Variants in DHDDS observed in about 807,000 individuals in gnomAD.
DHDDS encodes dehydrodolichyl diphosphate synthase subunit.
DHDDS carries 16 observed loss-of-function variants against 46.2 expected under a neutral mutation model. The ratio of observed to expected loss-of-function variants is 0.35; its 90% CI spans 0.23 to 0.53. DHDDS has a LOEUF of 0.53. Ranked by LOEUF, DHDDS falls within the 20% of genes least tolerant of loss-of-function variation. The pLI is 0.94. For missense variants in DHDDS, 340 were observed against 423.7 expected (o/e 0.80, Z 1.73); for synonymous variants, 151 against 163.1 (o/e 0.93, Z 0.56).
rs189153348 is a variant in DHDDS at position 26,445,542 on chromosome 1, A to C, written c.324-774A>C. On this transcript the variant is annotated intron_variant, in intron 4 of 8. Coordinates refer to ENST00000236342, the MANE Select transcript of DHDDS (RefSeq NM_205861.3). The stretch of plus-strand genomic sequence containing the variant: ...ACCTTGGGCAACATAGTGAGACCTC[A>C]TCTTTACAAAAAATACAAAAATTAG... 2.6e-5 allele frequency among the ~76,000 whole-genome samples: 4 copies of C among 152,204 alleles called. No homozygotes were observed. In the East Asian group the frequency reaches 7.7e-4, roughly 29 times the overall value.
chr1:26,438,158 T>C lies in DHDDS; in HGVS notation c.64-10T>C. 1.9e-6 allele frequency: 3 copies of C among 1,613,406 alleles called. No individual in the cohort carries two copies. The highest frequency in any genetic ancestry group is 2.5e-6 in the Non-Finnish European group (3 of 1,179,482). ...GAGACCTGTTCATCATTTGTCTTCCTATTCCACAGGCAGGCCCAATGCCGA... is the reference window on the plus strand; with the variant it reads ...GAGACCTGTTCATCATTTGTCTTCCCATTCCACAGGCAGGCCCAATGCCGA... On this transcript the variant is annotated splice_polypyrimidine_tract_variant and intron_variant, in intron 2 of 8. Coordinates refer to ENST00000236342, the MANE Select transcript of DHDDS (RefSeq NM_205861.3).
intron 6 of DHDDS, among the ~76,000 whole-genome samples, chr1:26,452,149 G>C (rs1557443481): frequency 6.6e-6 from 1 of 152,100 alleles, no homozygotes; most frequent in Non-Finnish European, 1.5e-5. Context: ...GGGCTCAAGA[G>C]ATCCTTCCAC....
chr1:26,460,477 T>G (rs2075411518), intron 8 of DHDDS, among the ~76,000 whole-genome samples: 1 of 152,222 alleles, frequency 6.6e-6, no homozygotes, highest in Non-Finnish European at 1.5e-5. Flanking sequence ...TTTTAAAGAC[T>G]CAGGAGGAAA....
At chr1:26,455,907 C>CT (rs1363065080) in intron 6 of DHDDS, among the ~76,000 whole-genome samples, 2 of 152,184 alleles carry the variant, frequency 1.3e-5, no homozygotes, top group African/African-American at 4.8e-5. Flanking sequence ...AGATGTAACT[C>CT]TAACTACCTG....
intron 7 of DHDDS, among the ~76,000 whole-genome samples, chr1:26,458,850 A>T (rs999800610): frequency 1.3e-5 from 2 of 152,004 alleles, no homozygotes; most frequent in Non-Finnish European, 2.9e-5. Context: ...GCTGAATTTT[A>T]AGAGACTACA....
intron 6 of DHDDS, among the ~76,000 whole-genome samples, chr1:26,449,451 C>T (rs937573516): frequency 2.0e-5 from 3 of 151,928 alleles, no homozygotes; most frequent in Non-Finnish European, 2.9e-5. Flanking sequence ...CCCAGGCTGG[C>T]GTGCAGTGGT....
chr1:26,441,317 G>A (rs912244551), intron 3 of DHDDS, among the ~76,000 whole-genome samples: 4 of 151,858 alleles, frequency 2.6e-5, no homozygotes, highest in Non-Finnish European at 5.9e-5. Flanking sequence ...TCCTGCCTCA[G>A]CCTCCCAAGT....
rs1434105363 is a variant in DHDDS at position 26,449,570 on chromosome 1, CT to C, written c.542+1917del. 1.5e-4 allele frequency among the ~76,000 whole-genome samples: 22 copies of C among 151,486 alleles called. No individual in the cohort carries two copies. The East Asian group carries it at 4.3e-3, about 30-fold the overall frequency. Reference sequence around the variant, plus strand: ...TGTGTGCCACCATGCTCAGCTAATTCTTTTTTTGGAGACAGAGTCTCACTCT... The same window carrying C: ...TGTGTGCCACCATGCTCAGCTAATTCTTTTTTGGAGACAGAGTCTCACTCT... On this transcript the variant is annotated intron_variant, in intron 6 of 8. Transcript: ENST00000236342.
intron 7 of DHDDS, 121 bp downstream of exon 7, chr1:26,458,026 A>G: frequency 1.2e-6 from 1 of 826,704 alleles, no homozygotes; most frequent in Non-Finnish European, 2.0e-6. Flanking sequence ...CTTCTGGGGA[A>G]AGCTAAAATC....
At chr1:26,451,404 A>ATGTG (rs35376620) in intron 6 of DHDDS, among the ~76,000 whole-genome samples, 10,088 of 135,788 alleles carry the variant, frequency 0.074, 486 homozygotes, top group Middle Eastern at 0.12. Flanking sequence ...ATGTATGTAG[A>ATGTG]TGTGTGTGTG....
chr1:26,451,404 A>ATG (rs35376620), intron 6 of DHDDS, among the ~76,000 whole-genome samples: 14,635 of 135,592 alleles, frequency 0.11, 893 homozygotes, highest in Non-Finnish European at 0.15. Flanking sequence ...ATGTATGTAG[A>ATG]TGTGTGTGTG....
chr1:26,459,818 T>C (rs2075404635), intron 7 of DHDDS, among the ~76,000 whole-genome samples: 1 of 152,206 alleles, frequency 6.6e-6, no homozygotes, highest in African/African-American at 2.4e-5. Context: ...AGTTCTGCTT[T>C]ACCACAGGCA....
At chr1:26,432,833 C>T (rs2075117216) in intron 1 of DHDDS, 58 bp from the exon 2 acceptor site, 1 of 1,064,800 alleles carries the variant, frequency 9.4e-7, no homozygotes. Context: ...CCCCAGAAGT[C>T]AGTTATAGCT....
In DHDDS at chr1:26,446,376, C is replaced by G. The variant is rs1052661849; in HGVS notation, c.384C>G (p.Pro128=). The stretch of plus-strand genomic sequence containing the variant: ...TCCTGGGCGATCTGCACTTGTTGCC[C>G]TTGGATCTCCAGGAGCTGATTGCAC... ...IRVLGDLHLL[P]LDLQELIAQA... The change falls in exon 5 of 9, where the codon CCC becomes CCG. Residue 128 remains proline, a synonymous_variant. Coordinates refer to ENST00000236342, the MANE Select transcript of DHDDS (RefSeq NM_205861.3). 1.2e-6 allele frequency: 2 copies of G among 1,614,024 alleles called. No homozygotes were observed. The highest frequency in any genetic ancestry group is 1.7e-6 in the Non-Finnish European group (2 of 1,179,960).
At chr1:26,468,812 C>CCCCCCCCCCAAACAACA in intron 8 of DHDDS, 83 bp from the exon 9 acceptor site, 1 of 601,116 alleles carries the variant, frequency 1.7e-6, no homozygotes, top group Non-Finnish European at 2.8e-6. Context: ...CCACCCTGTG[C>CCCCCCCCCCAAACAACA]CCCACCCCCT....
intron 4 of DHDDS, among the ~76,000 whole-genome samples, chr1:26,443,758 G>A (rs983270458): frequency 2.6e-5 from 4 of 152,124 alleles, no homozygotes; most frequent in Admixed American, 6.5e-5. Flanking sequence ...ATTGCTCCCC[G>A]GTCCCCAGCA....
chr1:26,467,464 G>A (rs1280135782), intron 8 of DHDDS: 7 of 399,962 alleles, frequency 1.8e-5, no homozygotes, highest in Non-Finnish European at 3.2e-5. Context: ...GGGGGGGACA[G>A]TCCAGAATTC....
At chr1:26,454,983 T>TG (rs2124474400) in intron 6 of DHDDS, 2 of 1,541,392 alleles carry the variant, frequency 1.3e-6, no homozygotes, top group South Asian at 2.2e-5. Context: ...TGGGCACACC[T>TG]GCCAGCTCCA....
intron 6 of DHDDS, among the ~76,000 whole-genome samples, chr1:26,450,429 G>A (rs970311837): frequency 2.0e-5 from 3 of 152,210 alleles, no homozygotes; most frequent in Non-Finnish European, 2.9e-5. Context: ...TTACAGGTGT[G>A]AGCCACTCAG....
Sources: allele counts gnomAD v4.1 joint callset (sites outside exome capture counted in the v4.1 genomes callset), GRCh38; gene constraint gnomAD v4.1.1; transcripts MANE v1.5; gene names NCBI Gene and HGNC (gene_info 2026-07-23, HGNC 2026-07-21).